Variants in ADCY5 observed in about 807,000 individuals in gnomAD.
ADCY5 encodes the protein adenylate cyclase type 5.
Under a neutral mutation model 119.7 loss-of-function variants are expected in ADCY5, and 30 were observed. The ratio of observed to expected loss-of-function variants is 0.25; its 90% CI spans 0.19 to 0.34. ADCY5 has a LOEUF of 0.34. Ranked by LOEUF, ADCY5 falls within the 10% of genes least tolerant of loss-of-function variation. ADCY5 has a pLI of 1.00. For missense variants in ADCY5, 1,324 were observed against 1,775.2 expected, an observed-to-expected ratio of 0.75 and a Z score of 4.57; for synonymous variants, 753 against 762.2, an observed-to-expected ratio of 0.99 and a Z score of 0.20.
At chr3:123,342,439 C>G (rs1433271060) in intron 3 of ADCY5, among the ~76,000 whole-genome samples, 2 of 152,132 alleles carry the variant, frequency 1.3e-5, no homozygotes, top group Admixed American at 6.5e-5. Context: ...TGCCCCACCC[C>G]TGATGTGTGG....
intron 1 of ADCY5, among the ~76,000 whole-genome samples, chr3:123,393,474 T>C (rs535729812): frequency 1.1e-4 from 16 of 152,090 alleles, no homozygotes; most frequent in Middle Eastern, 3.4e-3. Flanking sequence ...ACAGGATCAC[T>C]TGAGCCCAGG....
At chr3:123,325,017 G>A (rs1374643891) in intron 8 of ADCY5, among the ~76,000 whole-genome samples, 2 of 152,212 alleles carry the variant, frequency 1.3e-5, no homozygotes, top group Non-Finnish European at 2.9e-5. Flanking sequence ...GTGGCTGGCC[G>A]AGTCTAGCCA....
chr3:123,348,460 G>C (rs1444755607), intron 2 of ADCY5, among the ~76,000 whole-genome samples: 3 of 152,152 alleles, frequency 2.0e-5, no homozygotes, highest in Non-Finnish European at 2.9e-5. Context: ...GTGTCATGGG[G>C]GTCTGGGGTG....
chr3:123,350,478 G>A lies in ADCY5; in HGVS notation c.1284+1954C>T, dbSNP rs540391648. Among the ~76,000 whole-genome samples, 9 of 152,352 alleles carry A rather than the reference G, an allele frequency of 5.9e-5. No homozygotes were observed. The South Asian group carries it at 1.2e-3, about 21-fold the overall frequency. On this transcript the variant is annotated intron_variant, in intron 2 of 20. Coordinates refer to ENST00000462833, the MANE Select transcript of ADCY5 (RefSeq NM_183357.3). Reference sequence around the variant, plus strand: ...CAGTGTGGGATGACTGGGAGAGACCGTGCTACAAACCGTTTGGCTTCATGA... The same window carrying A: ...CAGTGTGGGATGACTGGGAGAGACCATGCTACAAACCGTTTGGCTTCATGA...
chr3:123,396,819 C>CAGGCGA (rs1944604516), intron 1 of ADCY5, among the ~76,000 whole-genome samples: 21 of 62,360 alleles, frequency 3.4e-4, no homozygotes, highest in African/African-American at 5.2e-4. Context: ...GGCAGGCAGG[C>CAGGCGA]GAGAGAGAGA....
chr3:123,378,234 A>G (rs973426049), intron 1 of ADCY5, among the ~76,000 whole-genome samples: 6 of 152,152 alleles, frequency 3.9e-5, no homozygotes. Context: ...AGGGGTGGAT[A>G]CCCTGCTTCT....
At chr3:123,443,882 G>A (rs1261048611) in intron 1 of ADCY5, among the ~76,000 whole-genome samples, 1 of 152,162 alleles carries the variant, frequency 6.6e-6, no homozygotes, top group African/African-American at 2.4e-5. Flanking sequence ...TTTTCAAAGA[G>A]CTCTTCCATC....
rs936281546 is a variant in ADCY5, at chr3:123,352,802, T to A, written c.1135-221A>T. On this transcript the variant is annotated intron_variant, in intron 1 of 20. Coordinates refer to ENST00000462833, the MANE Select transcript of ADCY5 (RefSeq NM_183357.3). The surrounding 1 kb of genome is among the most constrained non-coding windows in gnomAD (Gnocchi z 4.8). ...AGTTTGGCTGGCTTGTCATGGGATA[T>A]GTCCTCTAAAGACACTGAATCACCT... is the stretch of plus-strand genomic sequence containing the variant. 6.6e-6 allele frequency among the ~76,000 whole-genome samples: 1 copy of A among 152,188 alleles called. No homozygotes were observed. The highest frequency in any genetic ancestry group is 1.5e-5 in the Non-Finnish European group (1 of 68,036).
chr3:123,351,215 G>T (rs1454103742), intron 2 of ADCY5, among the ~76,000 whole-genome samples: 1 of 152,086 alleles, frequency 6.6e-6, no homozygotes, highest in Non-Finnish European at 1.5e-5. Context: ...GTACTACAGA[G>T]CTTTGCCCCC....
chr3:123,327,832 C>T, intron 6 of ADCY5, 73 bp from the exon 7 acceptor site: 1 of 1,549,068 alleles, frequency 6.5e-7, no homozygotes, highest in Non-Finnish European at 8.8e-7. Flanking sequence ...CGTGAAAAAC[C>T]AAACTGCAAT....
chr3:123,436,064 A>G (rs4322948), intron 1 of ADCY5, among the ~76,000 whole-genome samples: 150,162 of 150,464 alleles, frequency 1, 74,933 homozygotes, highest in Middle Eastern at 1. Context: ...CTAATTTTTT[A>G]TATTTTTAGT....
intron 1 of ADCY5, among the ~76,000 whole-genome samples, chr3:123,385,504 C>T (rs963089724): frequency 5.9e-5 from 9 of 152,184 alleles, no homozygotes; most frequent in Admixed American, 5.2e-4. Context: ...CATGACTCCT[C>T]TACATTCTGG....
At chr3:123,342,365 T>A (rs1479940739) in intron 3 of ADCY5, among the ~76,000 whole-genome samples, 1 of 152,034 alleles carries the variant, frequency 6.6e-6, no homozygotes, top group Non-Finnish European at 1.5e-5. Flanking sequence ...GAGGAGATAA[T>A]AACCTTAAAA....
intron 20 of ADCY5, among the ~76,000 whole-genome samples, chr3:123,285,290 T>G (rs1372322935): frequency 6.6e-6 from 1 of 152,198 alleles, no homozygotes; most frequent in South Asian, 2.1e-4. Context: ...GTCACGAGCC[T>G]GAGGTTACAC....
intron 1 of ADCY5, among the ~76,000 whole-genome samples, chr3:123,436,761 T>C (rs1262479813): frequency 6.6e-6 from 1 of 152,130 alleles, no homozygotes; most frequent in Non-Finnish European, 1.5e-5. Context: ...CTTTTAAATT[T>C]CATATCATTC....
intron 1 of ADCY5, among the ~76,000 whole-genome samples, chr3:123,414,552 C>T: frequency 6.6e-6 from 1 of 152,058 alleles, no homozygotes; most frequent in East Asian, 1.9e-4. Flanking sequence ...AGGGCTTGAC[C>T]TTATGGCTTA....
intron 1 of ADCY5, among the ~76,000 whole-genome samples, chr3:123,434,466 T>C (rs1395265250): frequency 6.6e-6 from 1 of 152,204 alleles, no homozygotes; most frequent in Non-Finnish European, 1.5e-5. Context: ...ACAGTCAGGG[T>C]TATCTCCTGG....
intron 1 of ADCY5, among the ~76,000 whole-genome samples, chr3:123,374,567 A>C (rs1231666746): frequency 1.3e-5 from 2 of 152,226 alleles, no homozygotes. Context: ...TCCAGGCCAC[A>C]CAGCTAGGAA....
chr3:123,306,944 T>A (rs1940232225), intron 12 of ADCY5, among the ~76,000 whole-genome samples: 1 of 152,236 alleles, frequency 6.6e-6, no homozygotes, highest in Non-Finnish European at 1.5e-5. Context: ...ACATGCTACA[T>A]GGATGAACCT....
Sources: gnomAD v4.1 joint callset for allele counts (sites outside exome capture counted in the v4.1 genomes callset) on GRCh38, gnomAD v4.1.1 for gene constraint, Gnocchi (gnomAD v3.1) non-coding constraint, MANE v1.5 for transcripts, NCBI Gene and HGNC (gene_info 2026-07-23, HGNC 2026-07-21) for gene names.